SERPING1: variants seen among roughly 807,000 people sequenced by gnomAD.
The protein encoded by SERPING1 is serpin family G member 1, also known as plasma protease C1 inhibitor.
In SERPING1, 5 loss-of-function variants were observed where a neutral mutation model predicts 34.1. That is an observed-to-expected ratio of 0.15 (90% confidence interval 0.08 to 0.31). SERPING1 has a LOEUF of 0.31. SERPING1 is among the 10% of genes least tolerant of loss of function. SERPING1 has a pLI of 1.00. For missense variants in SERPING1, 505 were observed against 609.5 expected (o/e 0.83, Z 1.81); for synonymous variants, 225 against 242.4 (o/e 0.93, Z 0.67).
chr11:57,614,607 G>A lies in SERPING1; in HGVS notation c.*26G>A. 1.9e-6 allele frequency: 3 copies of A among 1,609,308 alleles called. No individual in the cohort carries two copies. The highest frequency in any genetic ancestry group is 1.3e-5 in the African/African-American group (1 of 75,002). On this transcript the variant is annotated 3_prime_UTR_variant, in exon 8 of 8. Transcript: ENST00000278407. ...GACCTGCAGGATCAGGTTAGGGCGA[G>A]CGCTACCTCTCCAGCCTCAGCTCTC...
rs747969766 is a variant in SERPING1, at chr11:57,598,354, G to T, written c.51+33G>T. The stretch of plus-strand genomic sequence containing the variant: ...GTCCCTTGTGGGATGGGGGACGGGG[G>T]TGGAGACGGGAGGCGGGATGGTGCG... On this transcript the variant is annotated intron_variant, in intron 2 of 7. Coordinates refer to ENST00000278407, the MANE Select transcript of SERPING1 (RefSeq NM_000062.3). The T allele has an allele frequency of 2.6e-6, 4 of 1,544,458 alleles. No homozygotes were observed. The African/African-American group carries it at 5.4e-5, about 21-fold the overall frequency.
intron 7 of SERPING1, 120 bp from the exon 8 acceptor site, chr11:57,614,208 A>AG: frequency 2.3e-6 from 3 of 1,309,022 alleles, no homozygotes; most frequent in Non-Finnish European, 3.3e-6. Context: ...CTGGCAAACA[A>AG]GGGAAGAGGA....
In SERPING1 at chr11:57,614,698, A is replaced by G. The variant is rs1340965520; in HGVS notation, c.*117A>G. On this transcript the variant is annotated 3_prime_UTR_variant, in exon 8 of 8. Coordinates refer to ENST00000278407, the MANE Select transcript of SERPING1 (RefSeq NM_000062.3). ...CCACCTCCTGCCTCAGGTGTCCGCTATCCACCAAAAGGGCTCCCTGAGGGT... is the reference window on the plus strand; with the variant it reads ...CCACCTCCTGCCTCAGGTGTCCGCTGTCCACCAAAAGGGCTCCCTGAGGGT... 5 of 1,268,948 alleles carry G rather than the reference A, an allele frequency of 3.9e-6. No individual in the cohort carries two copies. The highest frequency in any genetic ancestry group is 2.5e-5 in the East Asian group (1 of 39,670). The allele number at this position is 1,268,948 out of a possible 1,614,324, so 78.6% of individuals were successfully genotyped here. A position where few individuals can be genotyped will look rare whatever the true frequency, so the allele number is the denominator to read the frequency against.
rs1036175639 is a variant in SERPING1 at position 57,606,388 on chromosome 11, C to T, written c.890-20C>T. 17 of 1,613,968 alleles carry T rather than the reference C, an allele frequency of 1.1e-5. No homozygotes were observed. Among genetic ancestry groups the T allele is most frequent in the Non-Finnish European group, 3.4e-6 (4 of 1,180,000 alleles). Reference sequence around the variant, plus strand: ...TTTTCCTACCTGCATTAGAGCAACCCTCCCACCTCTTCCCTCTAGCCAAGT... The same window carrying T: ...TTTTCCTACCTGCATTAGAGCAACCTTCCCACCTCTTCCCTCTAGCCAAGT... On this transcript the variant is annotated intron_variant, in intron 5 of 7. Transcript: ENST00000278407.
At chr11:57,598,195 G>C in intron 1 of SERPING1, 54 bp from the exon 2 acceptor site, 1 of 1,441,428 alleles carries the variant, frequency 6.9e-7, no homozygotes, top group Non-Finnish European at 9.4e-7. Context: ...GGCGGGGTGG[G>C]GGCCCCTGGG....
At chr11:57,610,156 A>G (rs1945462608) in intron 6 of SERPING1, among the ~76,000 whole-genome samples, 1 of 152,242 alleles carries the variant, frequency 6.6e-6, no homozygotes. Context: ...AAAAATTACA[A>G]TCACTATTTT....
At chr11:57,614,250 G>T (rs1945510867) in intron 7 of SERPING1, 78 bp from the exon 8 acceptor site, 5 of 1,570,920 alleles carry the variant, frequency 3.2e-6, no homozygotes, top group South Asian at 1.1e-5. Context: ...TGAACCCAGA[G>T]AATTCAGGAC....
rs201455616 is a variant in SERPING1, at chr11:57,598,295, A to C, written c.25A>C (p.Thr9Pro). The C allele has an allele frequency of 3.1e-4, 480 of 1,562,280 alleles. 2 individuals are homozygous for C. In the African/African-American group the frequency reaches 5.5e-3, roughly 18 times the overall value. The change falls in exon 2 of 8, where the codon ACC becomes CCC. Residue 9 changes from threonine to proline, a missense_variant. Coordinates refer to ENST00000278407, the MANE Select transcript of SERPING1 (RefSeq NM_000062.3). ...GATGGCCTCCAGGCTGACCCTGCTG[A>C]CCCTCCTGCTGCTGCTGCTGGCTGG... MASRLTLL[T>P]LLLLLLAGDR...
At chr11:57,614,182 G>T in intron 7 of SERPING1, 146 bp from the exon 8 acceptor site, 1 of 1,047,478 alleles carries the variant, frequency 9.5e-7, no homozygotes, top group Non-Finnish European at 1.5e-6. Context: ...AACTGCCAGA[G>T]GGTACAGTAT....
intron 6 of SERPING1, among the ~76,000 whole-genome samples, chr11:57,610,129 G>T (rs957920187): frequency 8.5e-5 from 13 of 152,166 alleles, no homozygotes; most frequent in East Asian, 1.9e-4. Context: ...CATAAAACTA[G>T]CATGTCAGAG....
In SERPING1 at chr11:57,599,972, G is replaced by A. The variant is rs1222431723; in HGVS notation, c.145G>A (p.Val49Ile). Reference protein sequence around the residue: ...DRGEGKVATTVISKMLFVEPI... With the variant: ...DRGEGKVATTIISKMLFVEPI... Reference sequence around the variant, plus strand: ...AGGCGAAGGGAAGGTCGCAACAACAGTTATCTCCAAGATGCTATTCGTTGA... The same window carrying A: ...AGGCGAAGGGAAGGTCGCAACAACAATTATCTCCAAGATGCTATTCGTTGA... Residue 49 changes from valine (V) to isoleucine (I), a missense_variant, in exon 3 of 8, where the codon GTT becomes ATT. Transcript: ENST00000278407. 6.2e-7 allele frequency: 1 copy of A among 1,614,164 alleles called. No individual in the cohort carries two copies. The highest frequency in any genetic ancestry group is 2.2e-5 in the East Asian group (1 of 44,888).
chr11:57,608,646 G>A (rs979464811), intron 6 of SERPING1, among the ~76,000 whole-genome samples: 1 of 152,080 alleles, frequency 6.6e-6, no homozygotes, highest in African/African-American at 2.4e-5. Context: ...CCTAGTAGCT[G>A]GGATTATAGG....
chr11:57,614,617 T>A lies in SERPING1; in HGVS notation c.*36T>A. 1 of 1,604,578 alleles carries A rather than the reference T, an allele frequency of 6.2e-7. No homozygotes were observed. The highest frequency in any genetic ancestry group is 8.5e-7 in the Non-Finnish European group (1 of 1,178,416). On this transcript the variant is annotated 3_prime_UTR_variant, in exon 8 of 8. Coordinates refer to ENST00000278407, the MANE Select transcript of SERPING1 (RefSeq NM_000062.3). ...ATCAGGTTAGGGCGAGCGCTACCTC[T>A]CCAGCCTCAGCTCTCAGTTGCAGCC...
In SERPING1 at chr11:57,605,766, A is replaced by C. The variant is rs1045709415; in HGVS notation, c.686-244A>C. On this transcript the variant is annotated intron_variant, in intron 4 of 7. Transcript: ENST00000278407. ...CAAAAAGATTATCTTGCCGAGCCATAGTCACATAGCAAGCTGAGGCAGCGG... is the reference window on the plus strand; with the variant it reads ...CAAAAAGATTATCTTGCCGAGCCATCGTCACATAGCAAGCTGAGGCAGCGG... The C allele has an allele frequency of 7.0e-6, 4 of 575,524 alleles. No individual in the cohort carries two copies. The African/African-American group carries it at 7.5e-5, about 11-fold the overall frequency. The allele number at this position is 575,524 out of a possible 1,614,324, so 35.7% of individuals were successfully genotyped here.
Position 57,601,108 on chromosome 11 carries a change from G to A in SERPING1, c.550+731G>A, listed in dbSNP as rs143155601. 3.3e-3 allele frequency among the ~76,000 whole-genome samples: 507 copies of A among 152,020 alleles called. 7 individuals carry two copies. Among genetic ancestry groups the A allele is most frequent in the African/African-American group, 0.011 (473 of 41,460 alleles). ...GCTATCTACCTCAAAAGATTAAGAA[G>A]CAGAAAGCCAGGCCGGATGCGGTGG... On this transcript the variant is annotated intron_variant, in intron 3 of 7. Transcript: ENST00000278407.
At chr11:57,610,856 T>G (rs916978183) in intron 6 of SERPING1, among the ~76,000 whole-genome samples, 9 of 152,158 alleles carry the variant, frequency 5.9e-5, no homozygotes, top group Admixed American at 3.9e-4. Flanking sequence ...TCACTCCGAG[T>G]TGACAACCCC....
At position 57,603,787 on chromosome 11, in the gene SERPING1, C is replaced by T. The variant is rs1369751579; in HGVS notation, c.685+1618C>T. Among the ~76,000 whole-genome samples the T allele has an allele frequency of 5.5e-5, 8 of 145,070 alleles. No individual in the cohort carries two copies. In the South Asian group the frequency reaches 1.5e-3, roughly 28 times the overall value. ...CCGGGAGGCGGAGCTTGCAGTGAGC[C>T]GAGATTGCGCCACTGCACTCCAGCC... On this transcript the variant is annotated intron_variant, in intron 4 of 7. Transcript: ENST00000278407.
chr11:57,599,038 TTC>T (rs986480754), intron 2 of SERPING1, among the ~76,000 whole-genome samples: 2 of 152,132 alleles, frequency 1.3e-5, no homozygotes, highest in African/African-American at 4.8e-5. Flanking sequence ...CCCTAGCTGT[TTC>T]TCCCATTTCT....
At chr11:57,605,298 A>G (rs567634445) in intron 4 of SERPING1, among the ~76,000 whole-genome samples, 1 of 151,778 alleles carries the variant, frequency 6.6e-6, no homozygotes, top group Admixed American at 6.6e-5. Flanking sequence ...GCCTGGGAAA[A>G]TATCTTTTTT....
Sources: gnomAD v4.1 joint callset for allele counts (sites outside exome capture counted in the v4.1 genomes callset) on GRCh38, gnomAD v4.1.1 for gene constraint, MANE v1.5 for transcripts, NCBI Gene and HGNC (gene_info 2026-07-23, HGNC 2026-07-21) for gene names.